Variants in HYDIN observed in about 807,000 individuals in gnomAD.
HYDIN encodes the protein axonemal central pair apparatus protein HYDIN.
HYDIN carries 132 observed loss-of-function variants against 403.9 expected under a neutral mutation model. That is an observed-to-expected ratio of 0.33 (90% confidence interval 0.28 to 0.38). HYDIN has a LOEUF of 0.38. HYDIN is among the 10% of genes least tolerant of loss of function. HYDIN has a pLI of 1.00. For missense variants in HYDIN, 2,827 were observed against 5,009.5 expected, an observed-to-expected ratio of 0.56 and a Z score of 13.15; for synonymous variants, 1,202 against 1,891.7, an observed-to-expected ratio of 0.64 and a Z score of 9.46.
At chr16:71,020,672 G>A (rs1199457859) in intron 21 of HYDIN, among the ~76,000 whole-genome samples, 1 of 151,800 alleles carries the variant, frequency 6.6e-6, no homozygotes, top group Non-Finnish European at 1.5e-5. Flanking sequence ...AGCCAGTCAT[G>A]GTGGCAGGCA....
intron 10 of HYDIN, among the ~76,000 whole-genome samples, chr16:71,097,887 A>G (rs2144396519): frequency 6.6e-6 from 1 of 152,108 alleles, no homozygotes; most frequent in Non-Finnish European, 1.5e-5. Flanking sequence ...CTAATTCATT[A>G]TCATCATTTT....
intron 1 of HYDIN, among the ~76,000 whole-genome samples, chr16:71,198,995 T>C (rs747938895): frequency 1.4e-4 from 21 of 152,210 alleles, no homozygotes; most frequent in Non-Finnish European, 2.8e-4. Flanking sequence ...CAAGCACTTG[T>C]TATTGACAAT....
In HYDIN at chr16:70,900,717, GTT is replaced by G. The variant is rs1567794254; in HGVS notation, c.9048+285_9048+286del. Among the ~76,000 whole-genome samples the G allele has an allele frequency of 3.1e-3, 461 of 150,334 alleles. 3 individuals are homozygous for G. The highest frequency in any genetic ancestry group is 5.1e-3 in the Non-Finnish European group (346 of 67,614). On this transcript the variant is annotated intron_variant, in intron 53 of 85. Transcript: ENST00000393567. ...GTATAGCAACACCATTTGTTCATTTGTTCATTCATTCATTCATTCATTCATTC... is the reference window on the plus strand; with the variant it reads ...GTATAGCAACACCATTTGTTCATTTGCATTCATTCATTCATTCATTCATTC...
chr16:71,185,446 T>C (rs777786064), intron 2 of HYDIN, among the ~76,000 whole-genome samples: 8 of 152,192 alleles, frequency 5.3e-5, no homozygotes, highest in East Asian at 3.9e-4. Context: ...TGTTTAACTA[T>C]GATATGATGT....
At chr16:70,864,089 G>C (rs1412141427) in intron 67 of HYDIN, among the ~76,000 whole-genome samples, 1 of 152,130 alleles carries the variant, frequency 6.6e-6, no homozygotes, top group African/African-American at 2.4e-5. Flanking sequence ...CCAGCACTTT[G>C]AGAGGCCAGG....
Position 70,837,894 on chromosome 16 carries a change from G to T in HYDIN, c.13044-6C>A. 6.2e-7 allele frequency: 1 copy of T among 1,611,098 alleles called. No homozygotes were observed. The highest frequency in any genetic ancestry group is 8.5e-7 in the Non-Finnish European group (1 of 1,177,608). On this transcript the variant is annotated splice_region_variant and splice_polypyrimidine_tract_variant and intron_variant, in intron 76 of 85. Transcript: ENST00000393567. ...TGGTGTACAGACAATCTATGCTGCA[G>T]AAAATCAAGAGGAAGAGGCGTAAGC...
intron 47 of HYDIN, among the ~76,000 whole-genome samples, chr16:70,915,317 T>C (rs1478676634): frequency 6.6e-6 from 1 of 152,234 alleles, no homozygotes; most frequent in Non-Finnish European, 1.5e-5. Flanking sequence ...CAGATTCTTT[T>C]GTCCCACAGG....
chr16:71,192,190 C>T (rs1323388680), intron 1 of HYDIN, among the ~76,000 whole-genome samples: 3 of 152,202 alleles, frequency 2.0e-5, no homozygotes, highest in East Asian at 3.9e-4. Flanking sequence ...ATGATTCTGC[C>T]CTCACCTTGC....
At chr16:71,034,797 G>C (rs2081032451) in intron 18 of HYDIN, among the ~76,000 whole-genome samples, 1 of 150,916 alleles carries the variant, frequency 6.6e-6, no homozygotes, top group South Asian at 2.1e-4. Context: ...TTTAATTTTT[G>C]GTATTAATGG....
At chr16:70,958,089 C>T (rs2078297460) in intron 39 of HYDIN, among the ~76,000 whole-genome samples, 1 of 151,296 alleles carries the variant, frequency 6.6e-6, no homozygotes, top group South Asian at 2.1e-4. Context: ...TGTATACGTT[C>T]CAAATGAGGT....
chr16:71,118,040 G>A (rs1597817173), intron 9 of HYDIN, among the ~76,000 whole-genome samples: 1 of 152,096 alleles, frequency 6.6e-6, no homozygotes, highest in Non-Finnish European at 1.5e-5. Context: ...GAAACGTGGT[G>A]CCTCCACCAA....
At chr16:71,168,326 A>AT in intron 5 of HYDIN, among the ~76,000 whole-genome samples, 1 of 146,922 alleles carries the variant, frequency 6.8e-6, no homozygotes, top group East Asian at 2.0e-4. Flanking sequence ...CTTCAAAAAA[A>AT]AAAAAAAAAA....
In HYDIN at chr16:70,804,860, CAGTGGCTTGGGG is replaced by C. The variant is rs1567628090; in HGVS notation, c.*2708_*2719del. On this transcript the variant is annotated 3_prime_UTR_variant, in exon 86 of 86. Coordinates refer to ENST00000393567, the MANE Select transcript of HYDIN (RefSeq NM_001270974.2). ...TTTATAAAATGTATATGGACAGCTTCAGTGGCTTGGGGAAGCACTGGAACAGGTCTGAAGTTG... is the reference window on the plus strand; with the variant it reads ...TTTATAAAATGTATATGGACAGCTTCAAGCACTGGAACAGGTCTGAAGTTG... Among the ~76,000 whole-genome samples, 2 of 152,180 alleles carry C rather than the reference CAGTGGCTTGGGG, an allele frequency of 1.3e-5. No individual in the cohort carries two copies. Among genetic ancestry groups the C allele is most frequent in the African/African-American group, 4.8e-5 (2 of 41,460 alleles).
At chr16:71,098,819 G>A (rs2083368846) in intron 10 of HYDIN, among the ~76,000 whole-genome samples, 1 of 146,516 alleles carries the variant, frequency 6.8e-6, no homozygotes, top group Admixed American at 6.8e-5. Flanking sequence ...TTACTTCAAA[G>A]GAGTTTGTCT....
chr16:71,069,944 G>C (rs541260459), intron 13 of HYDIN, among the ~76,000 whole-genome samples: 2 of 152,288 alleles, frequency 1.3e-5, no homozygotes, highest in South Asian at 2.1e-4. Flanking sequence ...GAAAGAAAAA[G>C]CCTGCATGGT....
chr16:70,958,437 C>T (rs1280957343), intron 39 of HYDIN, among the ~76,000 whole-genome samples: 6 of 152,184 alleles, frequency 3.9e-5, no homozygotes, highest in Non-Finnish European at 8.8e-5. Flanking sequence ...GTGGCTCTTT[C>T]CAGGTCAGTG....
chr16:70,947,147 G>C (rs912386742), intron 41 of HYDIN, among the ~76,000 whole-genome samples: 3 of 149,138 alleles, frequency 2.0e-5, no homozygotes, highest in African/African-American at 7.4e-5. Flanking sequence ...TCCAGTTTTT[G>C]CCCATTCAGT....
At chr16:71,173,152 C>T (rs1023355298) in intron 5 of HYDIN, among the ~76,000 whole-genome samples, 4 of 152,220 alleles carry the variant, frequency 2.6e-5, no homozygotes, top group African/African-American at 7.2e-5. Flanking sequence ...CCAAGTCCAA[C>T]ACAAGATCTT....
At chr16:71,099,137 C>A (rs1597777172) in intron 10 of HYDIN, among the ~76,000 whole-genome samples, 2 of 151,604 alleles carry the variant, frequency 1.3e-5, no homozygotes, top group Admixed American at 1.3e-4. Context: ...CACTACAGAA[C>A]CCCTTTAATG....
Sources: gnomAD v4.1 joint callset for allele counts (sites outside exome capture counted in the v4.1 genomes callset) on GRCh38, gnomAD v4.1.1 for gene constraint, MANE v1.5 for transcripts, NCBI Gene and HGNC (gene_info 2026-07-23, HGNC 2026-07-21) for gene names.